Variants in IKBKE observed in about 807,000 individuals in gnomAD.
IKBKE encodes inhibitor of nuclear factor kappa-B kinase subunit epsilon.
In IKBKE, 45 loss-of-function variants were observed where a neutral mutation model predicts 92.1. The ratio of observed to expected loss-of-function variants is 0.49; its 90% CI spans 0.38 to 0.63. The LOEUF is 0.63. Among genes scored for constraint, IKBKE ranks in the 20% least tolerant of loss-of-function variants. IKBKE has a pLI of 0.00. For synonymous variants in IKBKE, 374 were observed against 380.3 expected (o/e 0.98, Z 0.19); for missense variants, 700 against 932.8 (o/e 0.75, Z 3.25).
intron 21 of IKBKE, among the ~76,000 whole-genome samples, chr1:206,494,592 CTTTTTTTTTTTTTTTTTT>C (rs58971788): frequency 1.6e-5 from 1 of 63,900 alleles, no homozygotes; most frequent in Admixed American, 2.1e-4. Flanking sequence ...AAAGTTCTTT[CTTTTTTTTTTTTTTTTTT>C]TTTTTTTTTT....
Position 206,492,695 on chromosome 1 carries a change from T to G in IKBKE, c.1836-328T>G, listed in dbSNP as rs199767206. 4 of 526,602 alleles carry G rather than the reference T, an allele frequency of 7.6e-6. No individual in the cohort carries two copies. In the Admixed American group the frequency reaches 9.1e-5, roughly 12 times the overall value. The allele number at this position is 526,602 out of a possible 1,614,324, so 32.6% of individuals were successfully genotyped here. On this transcript the variant is annotated intron_variant, in intron 18 of 21. Transcript: ENST00000581977. ...GTTCCCCACACTGAGAGCCCTGGTG[T>G]GGGCTATCCTCTGCCTCTCTGCAGC...
chr1:206,494,204 A>G (rs1398713211), intron 21 of IKBKE, among the ~76,000 whole-genome samples: 2 of 152,156 alleles, frequency 1.3e-5, no homozygotes, highest in Admixed American at 1.3e-4. Context: ...GTGAGCCTCC[A>G]TGCTGTCAGG....
chr1:206,496,429 C>A lies in IKBKE; in HGVS notation c.*284C>A. 1 of 469,338 alleles carries A rather than the reference C, an allele frequency of 2.1e-6. No homozygotes were observed. The highest frequency in any genetic ancestry group is 3.9e-6 in the Non-Finnish European group (1 of 259,302). 29.1% of individuals were successfully genotyped at this position (469,338 alleles called of 1,614,324 possible). On this transcript the variant is annotated 3_prime_UTR_variant, in exon 22 of 22. Coordinates refer to ENST00000581977, the MANE Select transcript of IKBKE (RefSeq NM_014002.4). ...CTATCTTCTCTAGGCTCAGGTACTG[C>A]TCCTCCATGCCCATGGCTGGGCCGT...
At position 206,480,052 on chromosome 1, in the gene IKBKE, C is replaced by T. The variant is rs374485120; in HGVS notation, c.1279C>T (p.Arg427Trp). 5.0e-6 allele frequency: 8 copies of T among 1,604,744 alleles called. No homozygotes were observed. Among genetic ancestry groups the T allele is most frequent in the East Asian group, 2.2e-5 (1 of 44,590 alleles). ...GVLGAGYQALRLARALLDGQE... is the reference protein window; with the variant it reads ...GVLGAGYQALWLARALLDGQE... Reference sequence around the variant, plus strand: ...GTTGGGCGCCGGCTACCAGGCCCTGCGGCTGGCACGGGCCCTGCTGGATGG... The same window carrying T: ...GTTGGGCGCCGGCTACCAGGCCCTGTGGCTGGCACGGGCCCTGCTGGATGG... Residue 427 changes from arginine to tryptophan, a missense_variant, in exon 12 of 22, where the codon CGG becomes TGG. Transcript: ENST00000581977.
At chr1:206,492,754 C>G in intron 18 of IKBKE, 1 of 600,064 alleles carries the variant, frequency 1.7e-6, no homozygotes, top group Admixed American at 2.2e-5. Context: ...AGGTGGCATG[C>G]GTCACCCAGC....
At position 206,493,287 on chromosome 1, in the gene IKBKE, C is replaced by T; in HGVS notation, c.1954C>T (p.Gln652Ter). 1 of 1,613,756 alleles carries T rather than the reference C, an allele frequency of 6.2e-7. No individual in the cohort carries two copies. The highest frequency in any genetic ancestry group is 8.5e-7 in the Non-Finnish European group (1 of 1,179,756). ...LSKLLEELSH[Q>*]LLQDRAKGAQ... Reference sequence around the variant, plus strand: ...GCAGCTCCTGGAAGAGCTATCTCACCAGCTCCTTCAGGACCGAGCAAAGGG... The same window carrying T: ...GCAGCTCCTGGAAGAGCTATCTCACTAGCTCCTTCAGGACCGAGCAAAGGG... The change falls in exon 20 of 22, where the codon CAG becomes TAG. Residue 652 changes from glutamine (Q) to a stop codon, truncating the protein, a stop_gained. Transcript: ENST00000581977. LOFTEE classifies it high-confidence loss of function.
At position 206,496,453 on chromosome 1, in the gene IKBKE, G is replaced by A. The variant is rs564754265; in HGVS notation, c.*308G>A. The A allele has an allele frequency of 1.2e-5, 5 of 413,946 alleles. No individual in the cohort carries two copies. The highest frequency in any genetic ancestry group is 6.0e-5 in the African/African-American group (3 of 50,326). The allele number at this position is 413,946 out of a possible 1,614,324, so 25.6% of individuals were successfully genotyped here. ...GCTCCTCCATGCCCATGGCTGGGCC[G>A]TGGGGAGAAGAAGCTCTCATACGCC... On this transcript the variant is annotated 3_prime_UTR_variant, in exon 22 of 22. Coordinates refer to ENST00000581977, the MANE Select transcript of IKBKE (RefSeq NM_014002.4).
At chr1:206,483,533 G>A (rs535856221) in intron 13 of IKBKE, among the ~76,000 whole-genome samples, 56 of 152,306 alleles carry the variant, frequency 3.7e-4, no homozygotes, top group Middle Eastern at 3.4e-3. Flanking sequence ...GTTCATTCCT[G>A]ATTCTCTCTT....
At chr1:206,489,254 T>C (rs1278824663) in intron 16 of IKBKE, among the ~76,000 whole-genome samples, 2 of 143,562 alleles carry the variant, frequency 1.4e-5, no homozygotes, top group African/African-American at 5.4e-5. Context: ...ATTATTCACA[T>C]ATATATATTA....
In IKBKE at chr1:206,486,487, G is replaced by A. The variant is rs552449998; in HGVS notation, c.1616+1181G>A. On this transcript the variant is annotated intron_variant, in intron 15 of 21. Transcript: ENST00000581977. ...GTCTTTTGGATGAAGGCTGTGGATC[G>A]AGGCCCCATCCTTTTGGATGAAGGC... 2.1e-5 allele frequency among the ~76,000 whole-genome samples: 3 copies of A among 143,300 alleles called. No individual in the cohort carries two copies. In the East Asian group the frequency reaches 6.4e-4, roughly 31 times the overall value. The allele number at this position is 143,300 out of a possible 152,430, so 94.0% of individuals were successfully genotyped here.
chr1:206,493,297 A>C lies in IKBKE; in HGVS notation c.1964A>C (p.Gln655Pro). ...LLEELSHQLL[Q>P]DRAKGAQASP... ...GAAGAGCTATCTCACCAGCTCCTTCAGGACCGAGCAAAGGGGGCTCAGGCC... is the reference window on the plus strand; with the variant it reads ...GAAGAGCTATCTCACCAGCTCCTTCCGGACCGAGCAAAGGGGGCTCAGGCC... Residue 655 changes from glutamine (Q) to proline (P), a missense_variant, in exon 20 of 22, where the codon CAG (glutamine) becomes CCG (proline). Physicochemically the swap from Gln to Pro is moderately conservative, Grantham distance 76. Coordinates refer to ENST00000581977, the MANE Select transcript of IKBKE (RefSeq NM_014002.4). 6.2e-7 allele frequency: 1 copy of C among 1,614,096 alleles called. No homozygotes were observed. The highest frequency in any genetic ancestry group is 8.5e-7 in the Non-Finnish European group (1 of 1,179,996).
intron 18 of IKBKE, chr1:206,492,107 C>A: frequency 3.2e-6 from 1 of 315,678 alleles, no homozygotes; most frequent in East Asian, 8.5e-5. Context: ...TTCTTCAGGG[C>A]TTTTGAGGGG....
intron 13 of IKBKE, among the ~76,000 whole-genome samples, chr1:206,481,992 G>C (rs1162703722): frequency 1.1e-4 from 17 of 151,828 alleles, no homozygotes; most frequent in Non-Finnish European, 2.2e-4. Context: ...TTTTAGCCGG[G>C]ATGGTCTCGA....
intron 2 of IKBKE, among the ~76,000 whole-genome samples, chr1:206,472,081 C>T (rs953291424): frequency 2.0e-5 from 3 of 152,186 alleles, no homozygotes. Context: ...AAAAACCCAT[C>T]TCTACTAAAA....
chr1:206,493,817 G>C, intron 20 of IKBKE, 103 bp from the exon 21 acceptor site: 1 of 802,202 alleles, frequency 1.2e-6, no homozygotes, highest in South Asian at 1.6e-5. Flanking sequence ...GAATAAAGAG[G>C]CTTCTTTGGT....
At chr1:206,493,867 TG>T in intron 20 of IKBKE, 52 bp from the exon 21 acceptor site, 1 of 1,493,828 alleles carries the variant, frequency 6.7e-7, no homozygotes, top group Non-Finnish European at 9.3e-7. Context: ...GAAAAGGGTC[TG>T]GGCAGGGCAA....
chr1:206,478,032 A>G lies in IKBKE; in HGVS notation c.813-128A>G, dbSNP rs1451030114. Reference sequence around the variant, plus strand: ...CGAGTTCTTCCAGCTCTTCCTCCCCAACCCACCCTGCCCCACCATCTTGGT... The same window carrying G: ...CGAGTTCTTCCAGCTCTTCCTCCCCGACCCACCCTGCCCCACCATCTTGGT... On this transcript the variant is annotated intron_variant, in intron 8 of 21. Coordinates refer to ENST00000581977, the MANE Select transcript of IKBKE (RefSeq NM_014002.4). The surrounding 1 kb of genome is among the most constrained non-coding windows in gnomAD (Gnocchi z 4.8). The G allele has an allele frequency of 1.7e-6, 1 of 593,792 alleles. No individual in the cohort carries two copies. The highest frequency in any genetic ancestry group is 2.5e-5 in the Admixed American group (1 of 39,652). 36.8% of individuals were successfully genotyped at this position (593,792 alleles called of 1,614,324 possible). A position where few individuals can be genotyped will look rare whatever the true frequency, so the allele number is the denominator to read the frequency against.
chr1:206,493,823 T>G, intron 20 of IKBKE, 97 bp from the exon 21 acceptor site: 1 of 850,500 alleles, frequency 1.2e-6, no homozygotes, highest in Non-Finnish European at 1.9e-6. Flanking sequence ...AGAGGCTTCT[T>G]TGGTGGGGCT....
At position 206,476,531 on chromosome 1, in the gene IKBKE, A is replaced by C. The variant is rs1424919019; in HGVS notation, c.541-147A>C. 8.9e-7 allele frequency: 1 copy of C among 1,124,244 alleles called. No homozygotes were observed. Among genetic ancestry groups the C allele is most frequent in the Non-Finnish European group, 1.3e-6 (1 of 782,462 alleles). 69.6% of individuals were successfully genotyped at this position (1,124,244 alleles called of 1,614,324 possible). A position where few individuals can be genotyped will look rare whatever the true frequency, so the allele number is the denominator to read the frequency against. ...TGCATTCTGTTCTCTAAGATGGAAAAGGTGAGGCTGACACCCATTTTTAAG... is the reference window on the plus strand; with the variant it reads ...TGCATTCTGTTCTCTAAGATGGAAACGGTGAGGCTGACACCCATTTTTAAG... On this transcript the variant is annotated intron_variant, in intron 6 of 21. Coordinates refer to ENST00000581977, the MANE Select transcript of IKBKE (RefSeq NM_014002.4). The surrounding 1 kb of genome is among the most constrained non-coding windows in gnomAD (Gnocchi z 5.1).
Sources: gnomAD v4.1 joint callset for allele counts (sites outside exome capture counted in the v4.1 genomes callset) on GRCh38, gnomAD v4.1.1 for gene constraint, Gnocchi (gnomAD v3.1) non-coding constraint, MANE v1.5 for transcripts, NCBI Gene and HGNC (gene_info 2026-07-23, HGNC 2026-07-21) for gene names.